STARD13: variants seen among roughly 807,000 people sequenced by gnomAD.
The protein encoded by STARD13 is StAR related lipid transfer domain containing 13, also known as stAR-related lipid transfer protein 13.
Under a neutral mutation model 106.4 loss-of-function variants are expected in STARD13, and 62 were observed. The observed-to-expected ratio is 0.58, with a 90% CI of 0.48 to 0.72. The LOEUF (loss-of-function observed/expected upper bound fraction) is 0.72, where lower values mean the gene tolerates loss of function less well. STARD13 is among the 30% of genes least tolerant of loss of function. The pLI is 0.00. For synonymous variants in STARD13, 565 were observed against 553.0 expected (o/e 1.02, Z -0.31); for missense variants, 1,387 against 1,424.0 (o/e 0.97, Z 0.42).
intron 1 of STARD13, among the ~76,000 whole-genome samples, chr13:33,214,788 A>T (rs1467908696): frequency 1.3e-5 from 2 of 151,440 alleles, no homozygotes; most frequent in Non-Finnish European, 2.9e-5. Flanking sequence ...TGTGCAGTGT[A>T]TGAGTTTCTA....
the STARD13 span, among the ~76,000 whole-genome samples, chr13:33,582,487 G>A: frequency 1.7e-3 from 260 of 152,270 alleles, no homozygotes; most frequent in African/African-American, 5.9e-3. Context: ...AACAGAAGAA[G>A]GTAGAATTAA....
the STARD13 span, among the ~76,000 whole-genome samples, chr13:33,487,724 A>G: frequency 1.3e-5 from 2 of 152,186 alleles, no homozygotes; most frequent in Admixed American, 6.5e-5. Context: ...TTCTCAATGA[A>G]TTGCTTGCCT....
At chr13:33,635,937 TAA>T in the STARD13 span, among the ~76,000 whole-genome samples, 1 of 151,756 alleles carries the variant, frequency 6.6e-6, no homozygotes, top group Non-Finnish European at 1.5e-5. Context: ...TGAGCTGAGA[TAA>T]CGCCACTGCA....
At chr13:33,424,009 T>C in the STARD13 span, among the ~76,000 whole-genome samples, 1 of 152,064 alleles carries the variant, frequency 6.6e-6, no homozygotes, top group Non-Finnish European at 1.5e-5. Flanking sequence ...TGAGTTGATG[T>C]GTGCAGCAAA....
the STARD13 span, among the ~76,000 whole-genome samples, chr13:33,360,227 C>T: frequency 2.5e-4 from 37 of 150,556 alleles, no homozygotes; most frequent in Admixed American, 4.0e-4. Context: ...TCTTCTGAGA[C>T]GGAGTCTCAC....
chr13:33,264,649 C>T (rs1890806942), intron 1 of STARD13, among the ~76,000 whole-genome samples: 1 of 152,088 alleles, frequency 6.6e-6, no homozygotes, highest in South Asian at 2.1e-4. Context: ...GACAAGAACA[C>T]TAAGTGGGAG....
the STARD13 span, among the ~76,000 whole-genome samples, chr13:33,388,731 C>T: frequency 2.0e-5 from 3 of 152,162 alleles, no homozygotes; most frequent in Non-Finnish European, 4.4e-5. Context: ...CTCTGTCTAG[C>T]AGCCTGGCAG....
the STARD13 span, among the ~76,000 whole-genome samples, chr13:33,645,130 T>A: frequency 3.9e-5 from 6 of 152,120 alleles, no homozygotes; most frequent in Admixed American, 3.9e-4. Flanking sequence ...TTGGCTGGCA[T>A]TGTGACTTAT....
intron 1 of STARD13, among the ~76,000 whole-genome samples, chr13:33,194,631 A>C (rs1007925799): frequency 7.2e-5 from 11 of 152,254 alleles, no homozygotes; most frequent in African/African-American, 2.7e-4. Context: ...AAAACTTTTC[A>C]ATACTATAAT....
chr13:33,201,540 A>G (rs1320554972), intron 1 of STARD13, among the ~76,000 whole-genome samples: 3 of 152,156 alleles, frequency 2.0e-5, no homozygotes, highest in Non-Finnish European at 4.4e-5. Flanking sequence ...GAACAAGTAG[A>G]CTCAAATTTT....
intron 1 of STARD13, among the ~76,000 whole-genome samples, chr13:33,300,802 A>C (rs1892679657): frequency 6.6e-6 from 1 of 152,214 alleles, no homozygotes; most frequent in Non-Finnish European, 1.5e-5. Flanking sequence ...GCAGGTCCCT[A>C]ATCGGTTTTG....
chr13:33,346,347 T>C (rs2078016657), downstream of STARD13, among the ~76,000 whole-genome samples: 1 of 152,056 alleles, frequency 6.6e-6, no homozygotes, highest in South Asian at 2.1e-4. Context: ...TAATAACTGG[T>C]TTAGTTCGGT....
the STARD13 span, among the ~76,000 whole-genome samples, chr13:33,380,082 T>C: frequency 2.0e-5 from 3 of 152,166 alleles, no homozygotes; most frequent in East Asian, 1.9e-4. Context: ...GTTTGACTTA[T>C]TTATTTTACT....
intron 1 of STARD13, among the ~76,000 whole-genome samples, chr13:33,259,996 CAAAA>C (rs35410044): frequency 0.24 from 24,057 of 102,186 alleles, 2,209 homozygotes; most frequent in Non-Finnish European, 0.27. Flanking sequence ...ATTCCATCTC[CAAAA>C]AAAAAAAAAA....
the STARD13 span, among the ~76,000 whole-genome samples, chr13:33,605,518 T>TAAC: frequency 5.8e-3 from 886 of 151,994 alleles, 8 homozygotes; most frequent in African/African-American, 0.021. Context: ...TGCAGTAGGG[T>TAAC]AACAACAACA....
the STARD13 span, among the ~76,000 whole-genome samples, chr13:33,608,802 A>T: frequency 6.6e-6 from 1 of 152,206 alleles, no homozygotes. Flanking sequence ...AAATATTGAT[A>T]CAGGCTGGGC....
the STARD13 span, among the ~76,000 whole-genome samples, chr13:33,471,465 T>C: frequency 2.0e-5 from 3 of 152,344 alleles, no homozygotes; most frequent in African/African-American, 7.2e-5. Context: ...AATTCTTTTT[T>C]ATTTGCTACA....
the STARD13 span, among the ~76,000 whole-genome samples, chr13:33,415,976 A>T: frequency 2.0e-5 from 3 of 152,240 alleles, no homozygotes; most frequent in Non-Finnish European, 2.9e-5. Flanking sequence ...CAGGAAATTT[A>T]TCAGAAGAAT....
At position 33,124,901 on chromosome 13, in the gene STARD13, C is replaced by T. The variant is rs1876927204; in HGVS notation, c.2082+1180G>A. Among the ~76,000 whole-genome samples, 3 of 152,056 alleles carry T rather than the reference C, an allele frequency of 2.0e-5. 1 individual carries two copies. Among genetic ancestry groups the T allele is most frequent in the Admixed American group, 2.0e-4 (3 of 15,272 alleles). On this transcript the variant is annotated intron_variant, in intron 7 of 13. Transcript: ENST00000336934. ...AAGGCCATTTCTCAAAACTAAACAG[C>T]CATCCTCACAACAATGACAGCAGCC...
Sources: allele counts gnomAD v4.1 joint callset (sites outside exome capture counted in the v4.1 genomes callset), GRCh38; gene constraint gnomAD v4.1.1; transcripts MANE v1.5; gene names NCBI Gene and HGNC (gene_info 2026-07-23, HGNC 2026-07-21).